NRXN1: variants seen among roughly 807,000 people sequenced by gnomAD.
The protein encoded by NRXN1 is neurexin 1.
Under a neutral mutation model 150.9 loss-of-function variants are expected in NRXN1, and 39 were observed. The ratio of observed to expected loss-of-function variants is 0.26; its 90% confidence interval spans 0.20 to 0.34. The LOEUF (loss-of-function observed/expected upper bound fraction) is 0.34. NRXN1 is among the 10% of genes least tolerant of loss of function. The probability of loss-of-function intolerance (pLI) is 1.00; values close to 1 mark genes in which losing one functional copy is unlikely to be tolerated. For missense variants in NRXN1, 1,815 were observed against 1,949.9 expected (o/e 0.93, Z 1.30); for synonymous variants, 924 against 757.0 (o/e 1.22, Z -3.62).
At position 50,347,370 on chromosome 2, in the gene NRXN1, A is replaced by C. The variant is rs74605123; in HGVS notation, c.3365-110400T>G. 4.4e-3 allele frequency: 5,243 copies of C among 1,197,426 alleles called. 189 individuals carry two copies. In the African/African-American group the frequency reaches 0.076, roughly 17 times the overall value. 74.2% of individuals were successfully genotyped at this position (1,197,426 alleles called of 1,614,324 possible). The stretch of plus-strand genomic sequence containing the variant: ...GAAGGTCCTCACTTCTACATGACAG[A>C]CATCCACCGCGAATCCACTAGGTAA... On this transcript the variant is annotated intron_variant, in intron 17 of 22. Coordinates refer to ENST00000401669, the MANE Select transcript of NRXN1 (RefSeq NM_001330078.2). The surrounding 1 kb of genome is among the most constrained non-coding windows in gnomAD (Gnocchi z 4.9).
chr2:50,607,395 C>G (rs1425087641), intron 8 of NRXN1, among the ~76,000 whole-genome samples: 1 of 152,092 alleles, frequency 6.6e-6, no homozygotes, highest in African/African-American at 2.4e-5. Context: ...CTAAGGGACT[C>G]TTTACAAAAT....
intron 5 of NRXN1, among the ~76,000 whole-genome samples, chr2:50,817,839 G>C (rs71411515): frequency 1.3e-5 from 2 of 151,736 alleles, no homozygotes; most frequent in African/African-American, 2.4e-5. Context: ...ACTAGGAATA[G>C]AAAAATTACT....
At chr2:50,309,010 A>T (rs960671369) in intron 17 of NRXN1, among the ~76,000 whole-genome samples, 1 of 152,216 alleles carries the variant, frequency 6.6e-6, no homozygotes, top group Non-Finnish European at 1.5e-5. Flanking sequence ...CCCAGTAAAT[A>T]TTAGCTACAA....
At chr2:50,235,549 T>C (rs2065337587) in intron 18 of NRXN1, among the ~76,000 whole-genome samples, 1 of 152,070 alleles carries the variant, frequency 6.6e-6, no homozygotes, top group Non-Finnish European at 1.5e-5. Flanking sequence ...ATTAAGAAAA[T>C]AGTTTAATAA....
chr2:50,339,386 C>T (rs1414048367), intron 17 of NRXN1, among the ~76,000 whole-genome samples: 1 of 152,116 alleles, frequency 6.6e-6, no homozygotes, highest in Non-Finnish European at 1.5e-5. Context: ...AACTGGGGAT[C>T]TCAGAGCCCA....
At chr2:50,824,914 C>A (rs1286903656) in intron 5 of NRXN1, among the ~76,000 whole-genome samples, 1 of 152,176 alleles carries the variant, frequency 6.6e-6, no homozygotes, top group East Asian at 1.9e-4. Context: ...TAGGTGCAGG[C>A]ATCCACAATT....
intron 5 of NRXN1, among the ~76,000 whole-genome samples, chr2:50,752,740 T>A (rs1386365551): frequency 6.6e-6 from 1 of 151,698 alleles, no homozygotes; most frequent in African/African-American, 2.4e-5. Context: ...TTCCAAGGCA[T>A]CCATTTTACT....
intron 2 of NRXN1, among the ~76,000 whole-genome samples, chr2:50,947,568 C>A (rs976366652): frequency 1.3e-5 from 2 of 151,766 alleles, no homozygotes; most frequent in Non-Finnish European, 2.9e-5. Flanking sequence ...GATACACAGA[C>A]ACTAGATACA....
chr2:50,803,588 A>C (rs899860674), intron 5 of NRXN1, among the ~76,000 whole-genome samples: 2 of 152,184 alleles, frequency 1.3e-5, no homozygotes, highest in Non-Finnish European at 2.9e-5. Flanking sequence ...AATTCTCCTG[A>C]GTTCTCTTCC....
At chr2:50,740,998 C>G (rs11886635) in intron 5 of NRXN1, among the ~76,000 whole-genome samples, 6 of 152,036 alleles carry the variant, frequency 3.9e-5, no homozygotes, top group African/African-American at 1.4e-4. Context: ...CAAATTAACT[C>G]CTACCACTAA....
intron 18 of NRXN1, among the ~76,000 whole-genome samples, chr2:50,190,662 G>C (rs916828363): frequency 5.4e-5 from 8 of 148,768 alleles, no homozygotes; most frequent in Non-Finnish European, 1.5e-5. Context: ...GCCTAGGCTG[G>C]AGTGCAATGG....
Position 50,496,014 on chromosome 2 carries a change from C to T in NRXN1, c.2961G>A (p.Gln987=), listed in dbSNP as rs1242445922. The T allele has an allele frequency of 6.2e-7, 1 of 1,613,610 alleles. No homozygotes were observed. The highest frequency in any genetic ancestry group is 1.3e-5 in the African/African-American group (1 of 75,032). ...GSSNKPLNDN[Q]WHNVMISRDT... is the part of the protein sequence containing the mutation. ...CCCTTGATATCATCACGTTGTGCCA[C>T]TGATTGTCATTGAGAGGTTTATTTG... The change falls in exon 15 of 23, where the codon CAG becomes CAA. Residue 987 remains glutamine, a synonymous_variant. Coordinates refer to ENST00000401669, the MANE Select transcript of NRXN1 (RefSeq NM_001330078.2).
chr2:50,161,218 C>A (rs921344731), intron 18 of NRXN1, among the ~76,000 whole-genome samples: 1 of 152,088 alleles, frequency 6.6e-6, no homozygotes, highest in African/African-American at 2.4e-5. Context: ...ACAAAGAATA[C>A]TTTTATCTAT....
At position 50,074,052 on chromosome 2, in the gene NRXN1, C is replaced by T. The variant is rs547916686; in HGVS notation, c.3718+17271G>A. Among the ~76,000 whole-genome samples, 30 of 152,002 alleles carry T rather than the reference C, an allele frequency of 2.0e-4. No homozygotes were observed. In the South Asian group the frequency reaches 6.2e-3, roughly 32 times the overall value. ...TGTGCCAATTAATGACACATATAAC[C>T]ATAGATGCTTTATTTGGCTAGTCTT... On this transcript the variant is annotated intron_variant, in intron 19 of 22. Coordinates refer to ENST00000401669, the MANE Select transcript of NRXN1 (RefSeq NM_001330078.2).
At chr2:50,775,676 C>T (rs867884845) in intron 5 of NRXN1, among the ~76,000 whole-genome samples, 1 of 152,104 alleles carries the variant, frequency 6.6e-6, no homozygotes, top group Non-Finnish European at 1.5e-5. Context: ...CAATTACAAA[C>T]AGAAGTCTTC....
chr2:50,027,587 G>A (rs1558723674), intron 21 of NRXN1, among the ~76,000 whole-genome samples: 1 of 152,046 alleles, frequency 6.6e-6, no homozygotes, highest in Non-Finnish European at 1.5e-5. Flanking sequence ...GACTACAGGT[G>A]CATGCCACCA....
At chr2:50,237,019 A>C (rs775466674) in intron 17 of NRXN1, 49 bp from the exon 18 acceptor site, 4 of 1,572,864 alleles carry the variant, frequency 2.5e-6, no homozygotes, top group Non-Finnish European at 3.5e-6. Context: ...TCAAGTCTGC[A>C]CATTAGCAAG....
intron 12 of NRXN1, among the ~76,000 whole-genome samples, chr2:50,520,967 A>G (rs1156567684): frequency 5.3e-5 from 8 of 152,076 alleles, no homozygotes; most frequent in Admixed American, 5.2e-4. Context: ...TGTTTGTTCT[A>G]TAATATTTTG....
chr2:50,705,358 G>C (rs576372344), intron 5 of NRXN1, among the ~76,000 whole-genome samples: 1 of 152,050 alleles, frequency 6.6e-6, no homozygotes, highest in African/African-American at 2.4e-5. Context: ...GAATCAGACT[G>C]ATGGTATCAA....
Sources: gnomAD v4.1 joint callset for allele counts (sites outside exome capture counted in the v4.1 genomes callset) on GRCh38, gnomAD v4.1.1 for gene constraint, Gnocchi (gnomAD v3.1) non-coding constraint, MANE v1.5 for transcripts, NCBI Gene and HGNC (gene_info 2026-07-23, HGNC 2026-07-21) for gene names.